TRAF3: variants seen among roughly 807,000 people sequenced by gnomAD.
TRAF3 encodes TNF receptor-associated factor 3.
TRAF3 carries 13 observed loss-of-function variants against 62.3 expected under a neutral mutation model. The ratio of observed to expected loss-of-function variants is 0.21; its 90% CI spans 0.14 to 0.33. The LOEUF (loss-of-function observed/expected upper bound fraction) is 0.33. TRAF3 is among the 10% of genes least tolerant of loss of function. The probability of loss-of-function intolerance (pLI) is 1.00; values close to 1 mark genes in which losing one functional copy is unlikely to be tolerated. For missense variants in TRAF3, 440 were observed against 741.8 expected, an observed-to-expected ratio of 0.59 and a Z score of 4.73; for synonymous variants, 269 against 283.4, an observed-to-expected ratio of 0.95 and a Z score of 0.51.
chr14:102,779,358 C>T (rs1175144994), intron 1 of TRAF3, among the ~76,000 whole-genome samples: 2 of 141,734 alleles, frequency 1.4e-5, no homozygotes, highest in African/African-American at 5.5e-5. Context: ...TCCTTGGATG[C>T]TGTCCCTTCT....
chr14:102,822,751 A>G (rs1031528640), intron 1 of TRAF3, among the ~76,000 whole-genome samples: 2 of 152,222 alleles, frequency 1.3e-5, no homozygotes, highest in Non-Finnish European at 2.9e-5. Context: ...TATGCCTGTA[A>G]TCCCAGCACT....
rs1414970438 is a variant in TRAF3, at chr14:102,846,005, AAAAAT to A, written c.-18+15535_-18+15539del. On this transcript the variant is annotated intron_variant, in intron 2 of 11. Coordinates refer to ENST00000392745, the MANE Select transcript of TRAF3 (RefSeq NM_145725.3). ...CAAAAAAAAAAAAAAAAAAAAAAAA[AAAAAT>A]ACTATTATACCGCTGTTCAGTTAGC... 9.9e-3 allele frequency among the ~76,000 whole-genome samples: 926 copies of A among 93,434 alleles called. 48 individuals carry two copies. Among genetic ancestry groups the A allele is most frequent in the African/African-American group, 0.036 (692 of 19,114 alleles). 61.3% of individuals were successfully genotyped at this position (93,434 alleles called of 152,430 possible).
chr14:102,778,022 A>C (rs2140035459), intron 1 of TRAF3, among the ~76,000 whole-genome samples: 1 of 149,196 alleles, frequency 6.7e-6, no homozygotes, highest in South Asian at 2.1e-4. Flanking sequence ...GGCGTTGAGG[A>C]CCCGGCACCC....
intron 2 of TRAF3, among the ~76,000 whole-genome samples, chr14:102,837,555 C>T (rs1886101048): frequency 6.6e-6 from 1 of 151,912 alleles, no homozygotes; most frequent in Non-Finnish European, 1.5e-5. Flanking sequence ...AAAGGTGCTC[C>T]CTGGTGCATC....
chr14:102,868,829 C>T (rs1412721203), intron 2 of TRAF3, among the ~76,000 whole-genome samples: 1 of 152,208 alleles, frequency 6.6e-6, no homozygotes, highest in Non-Finnish European at 1.5e-5. Flanking sequence ...AACTCCTTTA[C>T]ATTCCTGGTT....
chr14:102,803,780 G>A (rs1035414016), intron 1 of TRAF3, among the ~76,000 whole-genome samples: 1 of 152,098 alleles, frequency 6.6e-6, no homozygotes, highest in African/African-American at 2.4e-5. Context: ...AATTCTGTAC[G>A]GTTTCTGATT....
chr14:102,848,205 G>A (rs1334385144), intron 2 of TRAF3, among the ~76,000 whole-genome samples: 1 of 152,182 alleles, frequency 6.6e-6, no homozygotes, highest in African/African-American at 2.4e-5. Context: ...GCTGAGGTGG[G>A]AGGATCTCTT....
In TRAF3 at chr14:102,826,453, T is replaced by C. The variant is rs1900318823; in HGVS notation, c.-156-3881T>C. Among the ~76,000 whole-genome samples the C allele has an allele frequency of 6.6e-6, 1 of 152,086 alleles. No homozygotes were observed. Among genetic ancestry groups the C allele is most frequent in the Non-Finnish European group, 1.5e-5 (1 of 68,008 alleles). Reference sequence around the variant, plus strand: ...CGCTTCAGGACAGCATGGGAGCTGCTGGAGGTCGGGGGAGCTCAGGGAAAG... The same window carrying C: ...CGCTTCAGGACAGCATGGGAGCTGCCGGAGGTCGGGGGAGCTCAGGGAAAG... On this transcript the variant is annotated intron_variant, in intron 1 of 11. Transcript: ENST00000392745. This position sits in a 1 kb window ranked among gnomAD's most constrained non-coding sequence, Gnocchi z 4.6.
intron 6 of TRAF3, among the ~76,000 whole-genome samples, chr14:102,885,907 G>A (rs1167764719): frequency 6.6e-6 from 1 of 152,188 alleles, no homozygotes; most frequent in African/African-American, 2.4e-5. Flanking sequence ...GAGGAGGCGT[G>A]CTAAGGGGAA....
intron 2 of TRAF3, among the ~76,000 whole-genome samples, chr14:102,831,113 C>T (rs967675539): frequency 6.6e-6 from 1 of 152,146 alleles, no homozygotes; most frequent in African/African-American, 2.4e-5. Context: ...CCCATTCTCC[C>T]TATTCTTCTC....
chr14:102,891,483 AC>A, intron 9 of TRAF3, 66 bp downstream of exon 9: 1 of 1,517,130 alleles, frequency 6.6e-7, no homozygotes, highest in Non-Finnish European at 8.9e-7. Flanking sequence ...TAAAGACAAA[AC>A]CTTTTTGTAG....
chr14:102,799,741 T>A (rs146722571), intron 1 of TRAF3, among the ~76,000 whole-genome samples: 15 of 152,338 alleles, frequency 9.8e-5, no homozygotes, highest in African/African-American at 3.6e-4. Flanking sequence ...GAGCCACTGC[T>A]CTTGGCCAAG....
intron 1 of TRAF3, among the ~76,000 whole-genome samples, chr14:102,825,230 G>C (rs1162418363): frequency 1.3e-5 from 2 of 152,212 alleles, no homozygotes; most frequent in Non-Finnish European, 2.9e-5. Context: ...AGCACCCACT[G>C]GTGCACTTGG....
At chr14:102,811,914 T>C (rs866863791) in intron 1 of TRAF3, among the ~76,000 whole-genome samples, 26 of 32,480 alleles carry the variant, frequency 8.0e-4, no homozygotes, top group African/African-American at 2.3e-3. Flanking sequence ...TGCCTGGCCC[T>C]TTTTTTTTTT....
chr14:102,803,067 A>G (rs1898541817), intron 1 of TRAF3, among the ~76,000 whole-genome samples: 1 of 152,128 alleles, frequency 6.6e-6, no homozygotes, highest in African/African-American at 2.4e-5. Context: ...GATGGTGGAA[A>G]CTGCCCCCAT....
Position 102,911,336 on chromosome 14 carries a change from GTATAT to G in TRAF3, c.*5556_*5560del, listed in dbSNP as rs1191527582. The G allele has an allele frequency of 6.6e-6, 1 of 152,160 alleles. No individual in the cohort carries two copies. The highest frequency in any genetic ancestry group is 1.9e-4 in the East Asian group (1 of 5,198). The allele number at this position is 152,160 out of a possible 1,614,324, so 9.4% of individuals were successfully genotyped here. Reference sequence around the variant, plus strand: ...TTACTGTTTTCTAGTTTTGTTTATTGTATATTATGTGTGGTTTTATTTGGTATTTA... The same window carrying G: ...TTACTGTTTTCTAGTTTTGTTTATTGTATGTGTGGTTTTATTTGGTATTTA... On this transcript the variant is annotated 3_prime_UTR_variant, in exon 12 of 12. Transcript: ENST00000392745.
intron 4 of TRAF3, among the ~76,000 whole-genome samples, chr14:102,874,718 A>T (rs1468742586): frequency 6.6e-6 from 1 of 150,992 alleles, no homozygotes; most frequent in African/African-American, 2.4e-5. Context: ...CAGTGCGATC[A>T]TGGCTCACTG....
chr14:102,890,417 C>T (rs1889643719), intron 8 of TRAF3, among the ~76,000 whole-genome samples: 1 of 152,192 alleles, frequency 6.6e-6, no homozygotes, highest in Non-Finnish European at 1.5e-5. Flanking sequence ...AGGAAGAGAA[C>T]AGCCAAAGAG....
At chr14:102,865,406 A>T (rs1433974065) in intron 2 of TRAF3, among the ~76,000 whole-genome samples, 1 of 151,898 alleles carries the variant, frequency 6.6e-6, no homozygotes, top group Non-Finnish European at 1.5e-5. Context: ...CCTCCTTTTG[A>T]CATTGCTTCT....
Sources: allele counts gnomAD v4.1 joint callset (sites outside exome capture counted in the v4.1 genomes callset), GRCh38; gene constraint gnomAD v4.1.1; non-coding constraint Gnocchi (gnomAD v3.1); transcripts MANE v1.5; gene names NCBI Gene and HGNC (gene_info 2026-07-23, HGNC 2026-07-21).